Variants in RBPJ observed in about 807,000 individuals in gnomAD.
RBPJ encodes the protein recombination signal binding protein for immunoglobulin kappa J region.
RBPJ carries 9 observed loss-of-function variants against 67.8 expected under a neutral mutation model. The observed-to-expected ratio is 0.13, with a 90% CI of 0.08 to 0.23. The LOEUF (loss-of-function observed/expected upper bound fraction) is 0.23. Among genes scored for constraint, RBPJ ranks in the 10% least tolerant of loss-of-function variants. RBPJ has a pLI of 1.00. For synonymous variants in RBPJ, 198 were observed against 203.3 expected, an observed-to-expected ratio of 0.97 and a Z score of 0.22; for missense variants, 305 against 595.6, an observed-to-expected ratio of 0.51 and a Z score of 5.08.
chr4:26,297,078 T>C (rs999297819), intron 1 of RBPJ, among the ~76,000 whole-genome samples: 3 of 152,156 alleles, frequency 2.0e-5, no homozygotes, highest in Non-Finnish European at 4.4e-5. Flanking sequence ...GAGGATCGCT[T>C]GAGCCCAACA....
intron 1 of RBPJ, among the ~76,000 whole-genome samples, chr4:26,219,550 G>A (rs1426597418): frequency 6.6e-6 from 1 of 152,158 alleles, no homozygotes. Context: ...TACAAGAACT[G>A]AGTCGAGCAT....
chr4:26,338,156 C>CTTTTTTTTTT (rs773976269), intron 1 of RBPJ, among the ~76,000 whole-genome samples: 3 of 89,030 alleles, frequency 3.4e-5, no homozygotes, highest in Non-Finnish European at 6.8e-5. Flanking sequence ...ATTTTTCTTT[C>CTTTTTTTTTT]TTTTTTTTTT....
chr4:26,316,669 T>TTGATATATATATATATAC, upstream of RBPJ, among the ~76,000 whole-genome samples: 1 of 118,944 alleles, frequency 8.4e-6, no homozygotes, highest in Non-Finnish European at 1.6e-5. Flanking sequence ...TATATATATA[T>TTGATATATATATATATAC]ACACATATAT....
chr4:26,403,676 G>A (rs1315405406), intron 2 of RBPJ, among the ~76,000 whole-genome samples: 1 of 151,996 alleles, frequency 6.6e-6, no homozygotes, highest in Non-Finnish European at 1.5e-5. Context: ...AAGGAAGACA[G>A]CCCCCAGCTT....
intron 1 of RBPJ, among the ~76,000 whole-genome samples, chr4:26,290,253 C>T (rs1352562111): frequency 6.9e-6 from 1 of 144,140 alleles, no homozygotes; most frequent in Non-Finnish European, 1.5e-5. Flanking sequence ...ACAGGAGGTT[C>T]ACTTGAGCTC....
intron 1 of RBPJ, among the ~76,000 whole-genome samples, chr4:26,366,769 C>T (rs1282170076): frequency 6.6e-6 from 1 of 151,850 alleles, no homozygotes; most frequent in Non-Finnish European, 1.5e-5. Flanking sequence ...TACAATACAT[C>T]CTAGTTGTGG....
intron 1 of RBPJ, among the ~76,000 whole-genome samples, chr4:26,291,173 A>C (rs1243697294): frequency 1.3e-5 from 2 of 151,046 alleles, no homozygotes; most frequent in Non-Finnish European, 3.0e-5. Context: ...CCAGAGAAAG[A>C]GGCGAGTAGG....
chr4:26,403,414 G>T (rs1311781991), intron 2 of RBPJ, among the ~76,000 whole-genome samples: 1 of 151,944 alleles, frequency 6.6e-6, no homozygotes, highest in East Asian at 1.9e-4. Flanking sequence ...TAGGTTCAGG[G>T]TTACATGTGA....
the RBPJ span, among the ~76,000 whole-genome samples, chr4:26,115,992 A>C: frequency 2.6e-5 from 4 of 152,272 alleles, no homozygotes; most frequent in Admixed American, 6.5e-5. Context: ...ATTTAAAATA[A>C]ACAGGCACCA....
chr4:26,388,689 A>G (rs927848098), intron 2 of RBPJ, among the ~76,000 whole-genome samples: 1 of 152,166 alleles, frequency 6.6e-6, no homozygotes, highest in Admixed American at 6.5e-5. Context: ...CTTGGGATTA[A>G]TTTCAGAATG....
chr4:26,279,592 T>C (rs527963203), intron 1 of RBPJ, among the ~76,000 whole-genome samples: 3 of 152,240 alleles, frequency 2.0e-5, no homozygotes, highest in African/African-American at 7.2e-5. Context: ...ATATTTTCAA[T>C]GTTTACACAA....
chr4:26,159,361 C>G (rs1487021282), upstream of RBPJ, among the ~76,000 whole-genome samples: 1 of 152,058 alleles, frequency 6.6e-6, no homozygotes, highest in Admixed American at 6.6e-5. Flanking sequence ...GATGCTTTTC[C>G]AAGAAGAATG....
chr4:26,417,077 T>C (rs1309762545), intron 4 of RBPJ, among the ~76,000 whole-genome samples: 1 of 152,352 alleles, frequency 6.6e-6, no homozygotes. Flanking sequence ...TCTGTTTTCT[T>C]GTTACCTAGG....
intron 1 of RBPJ, among the ~76,000 whole-genome samples, chr4:26,208,054 A>G (rs2109164478): frequency 6.6e-6 from 1 of 152,360 alleles, no homozygotes; most frequent in South Asian, 2.1e-4. Context: ...TAGGGTTTCA[A>G]GACCAAGAGT....
chr4:26,365,604 ATTTATGTGGATATTGTTT>A (rs1459144833), intron 1 of RBPJ, among the ~76,000 whole-genome samples: 5 of 152,218 alleles, frequency 3.3e-5, no homozygotes, highest in African/African-American at 1.2e-4. Context: ...ATATATCCAC[ATTTATGTGGATATTGTTT>A]AGTTCCACTA....
chr4:26,362,988 A>G lies in RBPJ; in HGVS notation c.21-23365A>G, dbSNP rs114842163. 3.5e-3 allele frequency among the ~76,000 whole-genome samples: 532 copies of G among 152,306 alleles called. 4 individuals are homozygous for G. The highest frequency in any genetic ancestry group is 0.012 in the African/African-American group (506 of 41,560). On this transcript the variant is annotated intron_variant, in intron 1 of 10. Coordinates refer to ENST00000355476, the MANE Select transcript of RBPJ (RefSeq NM_015874.6). Reference sequence around the variant, plus strand: ...TAGTTCTCTACAGAACTGTCATTTTATGGTAGCCTGTACAGGAAATAGTTG... The same window carrying G: ...TAGTTCTCTACAGAACTGTCATTTTGTGGTAGCCTGTACAGGAAATAGTTG...
chr4:26,357,901 G>GT, intron 1 of RBPJ, among the ~76,000 whole-genome samples: 2 of 152,046 alleles, frequency 1.3e-5, no homozygotes, highest in East Asian at 3.9e-4. Context: ...TCAGAATTTT[G>GT]TTTCTTTTTA....
chr4:26,316,710 TAC>T (rs200081189), upstream of RBPJ, among the ~76,000 whole-genome samples: 2 of 141,906 alleles, frequency 1.4e-5, no homozygotes, highest in Non-Finnish European at 3.1e-5. Context: ...TATATATATA[TAC>T]ACACACACAC....
At chr4:26,304,376 G>C (rs1474390127) in intron 1 of RBPJ, among the ~76,000 whole-genome samples, 1 of 152,142 alleles carries the variant, frequency 6.6e-6, no homozygotes, top group African/African-American at 2.4e-5. Context: ...AGAATTGTTG[G>C]GTCATAGAGT....
Sources: allele counts gnomAD v4.1 joint callset (sites outside exome capture counted in the v4.1 genomes callset), GRCh38; gene constraint gnomAD v4.1.1; transcripts MANE v1.5; gene names NCBI Gene and HGNC (gene_info 2026-07-23, HGNC 2026-07-21).